Variants in TRAPPC9 observed in about 807,000 individuals in gnomAD.
The protein encoded by TRAPPC9 is IKK2 binding protein.
A neutral mutation model predicts 124.0 loss-of-function variants in TRAPPC9; 83 were observed. The ratio of observed to expected loss-of-function variants is 0.67; its 90% CI spans 0.56 to 0.80. The LOEUF is 0.80. Among genes scored for constraint, TRAPPC9 ranks in the 30% least tolerant of loss-of-function variants. TRAPPC9 has a pLI of 0.00. For synonymous variants in TRAPPC9, 638 were observed against 617.5 expected (o/e 1.03, Z -0.49); for missense variants, 1,302 against 1,508.3 (o/e 0.86, Z 2.27).
rs1381451043 is a variant in TRAPPC9 at position 140,241,990 on chromosome 8, CT to C, written c.2431+10786del. 1.3e-5 allele frequency among the ~76,000 whole-genome samples: 2 copies of C among 152,066 alleles called. No homozygotes were observed. The highest frequency in any genetic ancestry group is 2.4e-5 in the African/African-American group (1 of 41,406). On this transcript the variant is annotated intron_variant, in intron 16 of 22. Transcript: ENST00000438773. The surrounding 1 kb of genome is among the most constrained non-coding windows in gnomAD (Gnocchi z 5.0). Reference sequence around the variant, plus strand: ...CCACAGGACATGGAGGGAGGGGACACTCAAGGGCTTGCAGGAGGGAGGGGCC... The same window carrying C: ...CCACAGGACATGGAGGGAGGGGACACCAAGGGCTTGCAGGAGGGAGGGGCC...
intron 9 of TRAPPC9, among the ~76,000 whole-genome samples, chr8:140,320,328 G>C (rs926167361): frequency 1.1e-4 from 17 of 152,330 alleles, no homozygotes; most frequent in Non-Finnish European, 2.5e-4. Context: ...TGGAGCTGAC[G>C]CATCTTTATT....
At chr8:140,402,644 C>T (rs974315994) in intron 6 of TRAPPC9, among the ~76,000 whole-genome samples, 4 of 148,006 alleles carry the variant, frequency 2.7e-5, no homozygotes, top group Admixed American at 2.0e-4. Flanking sequence ...TGCAATGAAC[C>T]GTGATCACGC....
intron 21 of TRAPPC9, among the ~76,000 whole-genome samples, chr8:139,785,423 C>T (rs1454631120): frequency 6.6e-6 from 1 of 152,140 alleles, no homozygotes; most frequent in Non-Finnish European, 1.5e-5. Flanking sequence ...CTTGGCCTGG[C>T]AGGGTGGCTC....
chr8:140,017,230 T>C (rs1354687660), intron 18 of TRAPPC9, among the ~76,000 whole-genome samples: 1 of 152,238 alleles, frequency 6.6e-6, no homozygotes, highest in Admixed American at 6.5e-5. Context: ...TTAATTTTGA[T>C]GAAATTTGTC....
At chr8:140,362,246 T>C (rs2067976960) in intron 8 of TRAPPC9, among the ~76,000 whole-genome samples, 1 of 152,156 alleles carries the variant, frequency 6.6e-6, no homozygotes. Flanking sequence ...AACACACACG[T>C]GGATCAAGAC....
intron 16 of TRAPPC9, among the ~76,000 whole-genome samples, chr8:140,230,703 G>A (rs1233456143): frequency 6.6e-6 from 1 of 152,128 alleles, no homozygotes; most frequent in Non-Finnish European, 1.5e-5. Flanking sequence ...GAACCTGAGA[G>A]GTGGAGGTTG....
chr8:140,183,022 T>C (rs562654549), intron 17 of TRAPPC9, among the ~76,000 whole-genome samples: 1 of 149,974 alleles, frequency 6.7e-6, no homozygotes, highest in South Asian at 2.1e-4. Context: ...CTCTGCATTA[T>C]TGGGGAAAAA....
Position 140,063,654 on chromosome 8 carries a change from CT to C in TRAPPC9, c.2557-39576del, listed in dbSNP as rs1298094358. Among the ~76,000 whole-genome samples the C allele has an allele frequency of 6.6e-6, 1 of 152,158 alleles. No homozygotes were observed. Among genetic ancestry groups the C allele is most frequent in the Non-Finnish European group, 1.5e-5 (1 of 68,038 alleles). ...GTCACACTATAAGATTTAGTGCATA[CT>C]TTTTTCCATAAAAGAATTATTTCGG... On this transcript the variant is annotated intron_variant, in intron 17 of 22. Coordinates refer to ENST00000438773, the MANE Select transcript of TRAPPC9 (RefSeq NM_001160372.4). This position sits in a 1 kb window ranked among gnomAD's most constrained non-coding sequence, Gnocchi z 4.3.
At chr8:140,161,134 C>T (rs945733556) in intron 17 of TRAPPC9, among the ~76,000 whole-genome samples, 4 of 152,152 alleles carry the variant, frequency 2.6e-5, no homozygotes, top group African/African-American at 9.7e-5. Flanking sequence ...AGCAAGAATG[C>T]CCATCTCCCC....
At chr8:140,122,136 G>C (rs1177888876) in intron 17 of TRAPPC9, among the ~76,000 whole-genome samples, 2 of 151,820 alleles carry the variant, frequency 1.3e-5, no homozygotes, top group African/African-American at 4.8e-5. Context: ...TCAAGGATCT[G>C]CAGGTGGCCT....
chr8:139,811,635 G>C (rs980547942), intron 21 of TRAPPC9, among the ~76,000 whole-genome samples: 4 of 152,242 alleles, frequency 2.6e-5, no homozygotes, highest in African/African-American at 7.2e-5. Flanking sequence ...CTTCTCAATA[G>C]GGTGGAGGGA....
Position 140,252,915 on chromosome 8 carries a change from C to T in TRAPPC9, c.2293G>A (p.Asp765Asn), listed in dbSNP as rs759266423. 13 of 1,613,752 alleles carry T rather than the reference C, an allele frequency of 8.1e-6. No homozygotes were observed. In the Admixed American group the frequency reaches 1.0e-4, roughly 12 times the overall value. The change falls in exon 16 of 23, where the codon GAC becomes AAC. Residue 765 changes from aspartate (D) to asparagine (N), a missense_variant. This residue lies in a region of TRAPPC9 where 640 missense variants were observed against 679.3 expected (regional missense o/e 0.94). Transcript: ENST00000438773. This position sits in a 1 kb window ranked among gnomAD's most constrained non-coding sequence, Gnocchi z 4.2. ...VLTTKEKLYG[D>N]FLSWKLEETL... is the part of the protein sequence containing the mutation. The stretch of plus-strand genomic sequence containing the variant: ...TCCTCTAGCTTCCAGCTCAAGAAGT[C>T]GCCATACAATTTTTCTGTAATAATA...
rs183568874 is a variant in TRAPPC9 at position 140,049,992 on chromosome 8, G to A, written c.2557-25913C>T. The stretch of plus-strand genomic sequence containing the variant: ...CCAAATGACACATGCAGGTGTGAGC[G>A]GTGACTGTCAGGCAGGCCACTGGGG... On this transcript the variant is annotated intron_variant, in intron 17 of 22. Transcript: ENST00000438773. Among the ~76,000 whole-genome samples, 25 of 152,340 alleles carry A rather than the reference G, an allele frequency of 1.6e-4. 1 individual carries two copies. In the East Asian group the frequency reaches 2.5e-3, roughly 15 times the overall value.
chr8:140,266,227 G>A (rs1290281295), intron 15 of TRAPPC9, among the ~76,000 whole-genome samples: 1 of 151,960 alleles, frequency 6.6e-6, no homozygotes, highest in Non-Finnish European at 1.5e-5. Context: ...AGGCTGAGGC[G>A]GACAGAGTAT....
chr8:139,987,005 T>C (rs1302786530), intron 19 of TRAPPC9, among the ~76,000 whole-genome samples: 4 of 152,234 alleles, frequency 2.6e-5, no homozygotes, highest in African/African-American at 7.2e-5. Context: ...TTCGTATCAA[T>C]GGAACCACAT....
At chr8:140,235,413 T>C (rs1291835374) in intron 16 of TRAPPC9, among the ~76,000 whole-genome samples, 1 of 152,244 alleles carries the variant, frequency 6.6e-6, no homozygotes, top group African/African-American at 2.4e-5. Flanking sequence ...AATGGACTAA[T>C]ATCCAAAATA....
At chr8:139,830,163 G>A (rs917287292) in intron 21 of TRAPPC9, among the ~76,000 whole-genome samples, 4 of 152,166 alleles carry the variant, frequency 2.6e-5, no homozygotes, top group Non-Finnish European at 5.9e-5. Context: ...GAAGGAGCCT[G>A]ACGTGCACGT....
chr8:139,877,698 C>T (rs2131072972), intron 21 of TRAPPC9, among the ~76,000 whole-genome samples: 1 of 152,314 alleles, frequency 6.6e-6, no homozygotes, highest in East Asian at 1.9e-4. Context: ...AAGATCACAC[C>T]CGCCTCTGTG....
intron 20 of TRAPPC9, among the ~76,000 whole-genome samples, chr8:139,888,648 T>C (rs895564324): frequency 1.3e-5 from 2 of 152,230 alleles, no homozygotes; most frequent in Non-Finnish European, 2.9e-5. Context: ...AAGTGTTTCC[T>C]GCAAAGATAA....
Sources: gnomAD v4.1 joint callset for allele counts (sites outside exome capture counted in the v4.1 genomes callset) on GRCh38, gnomAD v4.1.1 for gene constraint, gnomAD v4.1.1 regional missense constraint, Gnocchi (gnomAD v3.1) non-coding constraint, MANE v1.5 for transcripts, NCBI Gene and HGNC (gene_info 2026-07-23, HGNC 2026-07-21) for gene names.